The following HYDIN variants were observed in gnomAD, a reference collection of about 807,000 sequenced individuals.
HYDIN encodes the protein axonemal central pair apparatus protein HYDIN.
A neutral mutation model predicts 403.9 loss-of-function variants in HYDIN; 132 were observed. The ratio of observed to expected loss-of-function variants is 0.33; its 90% CI spans 0.28 to 0.38. The LOEUF (loss-of-function observed/expected upper bound fraction) is 0.38, where lower values mean the gene tolerates loss of function less well. Ranked by LOEUF, HYDIN falls within the 10% of genes least tolerant of loss-of-function variation. The pLI, the probability that HYDIN is intolerant of heterozygous loss-of-function variation, is 1.00. For missense variants in HYDIN, 2,827 were observed against 5,009.5 expected, an observed-to-expected ratio of 0.56 and a Z score of 13.15; for synonymous variants, 1,202 against 1,891.7, an observed-to-expected ratio of 0.64 and a Z score of 9.46.
At chr16:71,053,301 G>A (rs1229507148) in intron 18 of HYDIN, among the ~76,000 whole-genome samples, 2 of 152,126 alleles carry the variant, frequency 1.3e-5, no homozygotes, top group African/African-American at 2.4e-5. Context: ...CCTATCTGAA[G>A]AGTCAACAAA....
rs2081343752 is a variant in HYDIN at position 71,043,265 on chromosome 16, C to T, written c.2530-11348G>A. Reference sequence around the variant, plus strand: ...GTTCTGGAACTTAGTTATGGTGTGCCTCGACATGGGCCTGTTTCCATCCAC... The same window carrying T: ...GTTCTGGAACTTAGTTATGGTGTGCTTCGACATGGGCCTGTTTCCATCCAC... On this transcript the variant is annotated intron_variant, in intron 18 of 85. Transcript: ENST00000393567. 1.3e-5 allele frequency among the ~76,000 whole-genome samples: 2 copies of T among 148,552 alleles called. 1 individual carries two copies. The highest frequency in any genetic ancestry group is 4.3e-4 in the South Asian group (2 of 4,656).
At chr16:71,085,793 T>C (rs1207026099) in intron 12 of HYDIN, among the ~76,000 whole-genome samples, 1 of 152,240 alleles carries the variant, frequency 6.6e-6, no homozygotes, top group Non-Finnish European at 1.5e-5. Flanking sequence ...TTGGTACTGT[T>C]TGCATGGTGT....
At chr16:71,102,904 G>A (rs1384339937) in intron 10 of HYDIN, among the ~76,000 whole-genome samples, 1 of 149,604 alleles carries the variant, frequency 6.7e-6, no homozygotes, top group Admixed American at 6.7e-5. Context: ...TGTAATTCAT[G>A]TCTAAAATTG....
intron 3 of HYDIN, among the ~76,000 whole-genome samples, chr16:71,179,355 A>T (rs2086809997): frequency 6.6e-6 from 1 of 152,020 alleles, no homozygotes; most frequent in Admixed American, 6.6e-5. Context: ...AAAAAAACAA[A>T]CCTCTGCAGG....
intron 7 of HYDIN, among the ~76,000 whole-genome samples, chr16:71,138,797 C>T (rs940074487): frequency 6.6e-6 from 1 of 152,050 alleles, no homozygotes; most frequent in African/African-American, 2.4e-5. Context: ...AAGAACTATG[C>T]CTTCTGCTGG....
intron 11 of HYDIN, chr16:71,090,634 G>C (rs2083091396): frequency 6.6e-6 from 1 of 151,578 alleles, no homozygotes; most frequent in Non-Finnish European, 1.5e-5. Flanking sequence ...TGAGTAGCTG[G>C]GGCTATAGGT....
chr16:70,906,378 C>T (rs1277108145), intron 50 of HYDIN, among the ~76,000 whole-genome samples: 2 of 151,804 alleles, frequency 1.3e-5, no homozygotes, highest in East Asian at 1.9e-4. Flanking sequence ...GACATGATTG[C>T]GTAGGAGTCT....
At chr16:71,063,677 AG>A (rs1261087104) in intron 16 of HYDIN, among the ~76,000 whole-genome samples, 1 of 152,184 alleles carries the variant, frequency 6.6e-6, no homozygotes, top group African/African-American at 2.4e-5. Flanking sequence ...AGAAACCCAT[AG>A]AACCATTCTA....
At chr16:71,115,934 T>C (rs990830375) in intron 9 of HYDIN, 139 bp from the exon 10 acceptor site, 9 of 582,340 alleles carry the variant, frequency 1.5e-5, no homozygotes, top group Non-Finnish European at 2.5e-5. Flanking sequence ...TGTTTTGATA[T>C]ATATTTGTAT....
chr16:70,890,023 A>G (rs2041378983), intron 57 of HYDIN, among the ~76,000 whole-genome samples: 2 of 152,264 alleles, frequency 1.3e-5, no homozygotes, highest in South Asian at 4.1e-4. Flanking sequence ...TTACTTGTGG[A>G]TGTCAAATGT....
At chr16:70,811,560 A>T (rs2035503200) in intron 84 of HYDIN, 2 of 150,980 alleles carry the variant, frequency 1.3e-5, no homozygotes, top group Non-Finnish European at 2.9e-5. Flanking sequence ...TTTAAAAACT[A>T]GATAAAATAG....
At chr16:70,813,216 G>T (rs528161249) in intron 84 of HYDIN, among the ~76,000 whole-genome samples, 61 of 152,174 alleles carry the variant, frequency 4.0e-4, no homozygotes, top group African/African-American at 1.2e-3. Flanking sequence ...CTCCCACAGT[G>T]CTGGGATTAC....
At chr16:70,920,518 G>T in intron 46 of HYDIN, 73 bp downstream of exon 46, 3 of 1,121,722 alleles carry the variant, frequency 2.7e-6, no homozygotes, top group Non-Finnish European at 3.8e-6. Context: ...GTAGGGAGAA[G>T]CACCCCTGAT....
intron 39 of HYDIN, among the ~76,000 whole-genome samples, chr16:70,957,060 T>C (rs2078262845): frequency 6.7e-6 from 1 of 149,354 alleles, no homozygotes; most frequent in Non-Finnish European, 1.5e-5. Context: ...TGTGCCCCCA[T>C]CACCACCATC....
chr16:71,152,902 G>A, intron 6 of HYDIN, 119 bp from the exon 7 acceptor site: 1 of 633,792 alleles, frequency 1.6e-6, no homozygotes, highest in Non-Finnish European at 2.7e-6. Context: ...GCAATTTCAT[G>A]ATCTAGAAGT....
At chr16:70,886,700 CCA>C (rs1304451979) in intron 58 of HYDIN, among the ~76,000 whole-genome samples, 4 of 152,208 alleles carry the variant, frequency 2.6e-5, no homozygotes, top group Non-Finnish European at 4.4e-5. Context: ...GATTCTGGGT[CCA>C]CAGTTATTGG....
chr16:70,908,514 C>G (rs1408519404), intron 48 of HYDIN, 80 bp from the exon 49 acceptor site: 1 of 1,467,542 alleles, frequency 6.8e-7, no homozygotes, highest in Non-Finnish European at 9.2e-7. Flanking sequence ...CCTGGAAGTC[C>G]TGTCCTGTTG....
intron 23 of HYDIN, among the ~76,000 whole-genome samples, chr16:70,992,844 C>A (rs1279757723): frequency 6.6e-6 from 1 of 152,176 alleles, no homozygotes; most frequent in East Asian, 1.9e-4. Context: ...GGTGCTGAAG[C>A]CCATATGTCC....
At chr16:70,813,734 C>G in intron 84 of HYDIN, among the ~76,000 whole-genome samples, 1 of 151,120 alleles carries the variant, frequency 6.6e-6, no homozygotes, top group Non-Finnish European at 1.5e-5. Context: ...AGGAACTTGA[C>G]AAGCTGATTT....
Sources: gnomAD v4.1 joint callset for allele counts (sites outside exome capture counted in the v4.1 genomes callset) on GRCh38, gnomAD v4.1.1 for gene constraint, MANE v1.5 for transcripts, NCBI Gene and HGNC (gene_info 2026-07-23, HGNC 2026-07-21) for gene names.